The following CALN1 variants were observed in gnomAD, a reference collection of about 807,000 sequenced individuals.
The protein encoded by CALN1 is calneuron 1, also known as calcium-binding protein 8.
Under a neutral mutation model 30.6 loss-of-function variants are expected in CALN1, and 17 were observed. The observed-to-expected ratio is 0.56, with a 90% CI of 0.38 to 0.83. The LOEUF (loss-of-function observed/expected upper bound fraction) is 0.83. Among genes scored for constraint, CALN1 ranks in the 40% least tolerant of loss-of-function variants. The probability of loss-of-function intolerance (pLI) is 0.00; values close to 1 mark genes in which losing one functional copy is unlikely to be tolerated. For missense variants in CALN1, 291 were observed against 354.9 expected (o/e 0.82, Z 1.45); for synonymous variants, 156 against 131.4 (o/e 1.19, Z -1.28).
chr7:72,156,791 G>A (rs1303617696), intron 3 of CALN1, among the ~76,000 whole-genome samples: 1 of 152,210 alleles, frequency 6.6e-6, no homozygotes, highest in Non-Finnish European at 1.5e-5. Flanking sequence ...AGACACAGAA[G>A]CCACCAGTTC....
chr7:72,250,020 G>A (rs1260492016), intron 3 of CALN1, among the ~76,000 whole-genome samples: 7 of 150,630 alleles, frequency 4.6e-5, no homozygotes, highest in East Asian at 2.0e-4. Context: ...TGCTAAGACC[G>A]CTCCTTTAAC....
At chr7:71,941,574 C>T (rs1206314716) in intron 5 of CALN1, among the ~76,000 whole-genome samples, 3 of 152,142 alleles carry the variant, frequency 2.0e-5, no homozygotes, top group African/African-American at 7.2e-5. Flanking sequence ...CAATTTCATT[C>T]ATGCTTAGAG....
intron 3 of CALN1, among the ~76,000 whole-genome samples, chr7:72,230,243 C>G (rs143460355): frequency 7.9e-5 from 12 of 151,420 alleles, no homozygotes; most frequent in African/African-American, 2.7e-4. Flanking sequence ...CCTGCACGTT[C>G]TGCACATGTA....
chr7:72,176,544 C>T (rs1436546635), intron 3 of CALN1, among the ~76,000 whole-genome samples: 1 of 152,124 alleles, frequency 6.6e-6, no homozygotes, highest in Non-Finnish European at 1.5e-5. Context: ...TTCTCCCACT[C>T]TCGCCATGTA....
chr7:72,151,276 A>T (rs1787223303), intron 3 of CALN1, among the ~76,000 whole-genome samples: 2 of 152,072 alleles, frequency 1.3e-5, no homozygotes, highest in African/African-American at 4.8e-5. Flanking sequence ...GTCTGCTGGC[A>T]ATCTTTAGCG....
chr7:72,101,852 C>A (rs1806690664), intron 4 of CALN1, among the ~76,000 whole-genome samples: 1 of 152,114 alleles, frequency 6.6e-6, no homozygotes, highest in African/African-American at 2.4e-5. Flanking sequence ...TCCTCTCGTG[C>A]CCGATGCCTA....
chr7:72,082,353 G>A (rs1037174380), intron 4 of CALN1, among the ~76,000 whole-genome samples: 1 of 152,198 alleles, frequency 6.6e-6, no homozygotes, highest in Non-Finnish European at 1.5e-5. Context: ...ACAGCATGCT[G>A]TACCCACCAC....
chr7:72,257,329 C>T (rs771309906), intron 3 of CALN1, among the ~76,000 whole-genome samples: 2 of 152,114 alleles, frequency 1.3e-5, no homozygotes, highest in African/African-American at 4.8e-5. Flanking sequence ...AACCATATCA[C>T]CCCATTTGAC....
chr7:72,210,686 G>A (rs950523074), intron 3 of CALN1, among the ~76,000 whole-genome samples: 1 of 152,008 alleles, frequency 6.6e-6, no homozygotes, highest in African/African-American at 2.4e-5. Context: ...GAAAAGTATG[G>A]AGGAAACCAC....
intron 6 of CALN1, among the ~76,000 whole-genome samples, 160 bp from the exon 7 acceptor site, chr7:71,788,062 G>C (rs990581927): frequency 2.0e-5 from 3 of 152,200 alleles, no homozygotes; most frequent in African/African-American, 7.2e-5. Flanking sequence ...GGCATTTATG[G>C]GACCACTGCC....
intron 3 of CALN1, among the ~76,000 whole-genome samples, chr7:72,272,921 T>C (rs1229791518): frequency 6.6e-6 from 1 of 152,000 alleles, no homozygotes; most frequent in Non-Finnish European, 1.5e-5. Context: ...AGCCAAAATG[T>C]TCCTAGGATG....
intron 3 of CALN1, among the ~76,000 whole-genome samples, chr7:72,166,196 T>A (rs924675756): frequency 3.9e-5 from 6 of 152,086 alleles, no homozygotes; most frequent in African/African-American, 1.4e-4. Context: ...TTCAGGTTTC[T>A]GTTTTTTGTT....
Position 72,231,672 on chromosome 7 carries a change from A to C in CALN1, c.244+47014T>G, listed in dbSNP as rs895284678. The stretch of plus-strand genomic sequence containing the variant: ...TCTCACTGTGCCTAATTTATAAATG[A>C]AACTTTCTCATACGTAGGTACCTAT... On this transcript the variant is annotated intron_variant, in intron 3 of 6. Coordinates refer to ENST00000395275, the MANE Select transcript of CALN1 (RefSeq NM_031468.4). Among the ~76,000 whole-genome samples, 25 of 152,184 alleles carry C rather than the reference A, an allele frequency of 1.6e-4. 1 individual carries two copies. The highest frequency in any genetic ancestry group is 5.9e-5 in the Non-Finnish European group (4 of 68,042).
At position 72,163,391 on chromosome 7, in the gene CALN1, T is replaced by TAAAAAAAA. The variant is rs1563111506; in HGVS notation, c.245-57098_245-57097insTTTTTTTT. 9.0e-4 allele frequency among the ~76,000 whole-genome samples: 117 copies of TAAAAAAAA among 130,414 alleles called. 4 individuals carry two copies. Among genetic ancestry groups the TAAAAAAAA allele is most frequent in the African/African-American group, 3.2e-3 (113 of 35,136 alleles). The allele number at this position is 130,414 out of a possible 152,430, so 85.6% of individuals were successfully genotyped here. A position where few individuals can be genotyped will look rare whatever the true frequency, so the allele number is the denominator to read the frequency against. On this transcript the variant is annotated intron_variant, in intron 3 of 6. Transcript: ENST00000395275. ...CTACAAGAAAAAAACTTATTGGAGA[T>TAAAAAAAA]TAAAAAAAAAAAAAAAAAACAGAAA...
At chr7:72,371,203 A>G (rs1804223526) in intron 2 of CALN1, among the ~76,000 whole-genome samples, 1 of 152,160 alleles carries the variant, frequency 6.6e-6, no homozygotes, top group African/African-American at 2.4e-5. Context: ...CAGAATTTTT[A>G]TGATATCATG....
intron 5 of CALN1, among the ~76,000 whole-genome samples, chr7:71,874,322 G>T (rs1384867277): frequency 6.8e-6 from 1 of 147,952 alleles, no homozygotes; most frequent in Non-Finnish European, 1.5e-5. Flanking sequence ...CCCTCACCGT[G>T]TCTTAGGAAC....
chr7:72,078,488 G>A (rs1804899712), intron 4 of CALN1, among the ~76,000 whole-genome samples: 1 of 152,116 alleles, frequency 6.6e-6, no homozygotes. Flanking sequence ...TAATTAAAAT[G>A]CCCATGAAAA....
intron 2 of CALN1, among the ~76,000 whole-genome samples, chr7:72,402,329 C>G (rs1408832699): frequency 6.6e-6 from 1 of 152,204 alleles, no homozygotes; most frequent in Non-Finnish European, 1.5e-5. Flanking sequence ...TGCTGAACAT[C>G]AGGAGCTCTA....
chr7:71,885,613 C>T (rs1014153367), intron 5 of CALN1, among the ~76,000 whole-genome samples: 1 of 152,238 alleles, frequency 6.6e-6, no homozygotes, highest in Non-Finnish European at 1.5e-5. Context: ...TAATATTTTA[C>T]AGAGTTTGAC....
Sources: gnomAD v4.1 joint callset for allele counts (sites outside exome capture counted in the v4.1 genomes callset) on GRCh38, gnomAD v4.1.1 for gene constraint, MANE v1.5 for transcripts, NCBI Gene and HGNC (gene_info 2026-07-23, HGNC 2026-07-21) for gene names.